ZNF892: variants seen among roughly 807,000 people sequenced by gnomAD.
The protein encoded by ZNF892 is zinc finger protein 570-like.
At chr2:95,258,729 A>AG in the ZNF892 span, among the ~76,000 whole-genome samples, 2 of 152,142 alleles carry the variant, frequency 1.3e-5, no homozygotes, top group African/African-American at 4.8e-5. Flanking sequence ...TACCTCTCCC[A>AG]GGGCCCCGTC....
At chr2:95,210,026 T>C in the ZNF892 span, among the ~76,000 whole-genome samples, 11 of 152,142 alleles carry the variant, frequency 7.2e-5, no homozygotes, top group East Asian at 9.7e-4. Context: ...GACTGAAATA[T>C]GCATTAGAAA....
At chr2:95,249,918 T>A in the ZNF892 span, among the ~76,000 whole-genome samples, 1 of 152,178 alleles carries the variant, frequency 6.6e-6, no homozygotes, top group Admixed American at 6.5e-5. Flanking sequence ...CCAAAAAGAT[T>A]TTGGAACTTA....
chr2:95,214,236 C>A, the ZNF892 span: 1 of 396,544 alleles, frequency 2.5e-6, no homozygotes, highest in Non-Finnish European at 4.4e-6. Flanking sequence ...ATATTCCTAA[C>A]AAAGAATGAA....
chr2:95,235,372 T>G, the ZNF892 span, among the ~76,000 whole-genome samples: 2 of 151,352 alleles, frequency 1.3e-5, no homozygotes, highest in Non-Finnish European at 3.0e-5. Flanking sequence ...TTTTTTTTTT[T>G]TTTTTTTTGA....
the ZNF892 span, among the ~76,000 whole-genome samples, chr2:95,253,010 C>A: frequency 2.0e-5 from 3 of 152,108 alleles, no homozygotes; most frequent in African/African-American, 7.2e-5. Flanking sequence ...GAGTAGATTG[C>A]AAAAATTTTC....
the ZNF892 span, among the ~76,000 whole-genome samples, chr2:95,223,956 A>G: frequency 2.0e-5 from 3 of 152,228 alleles, no homozygotes; most frequent in African/African-American, 4.8e-5. Flanking sequence ...TCAAGAGGGC[A>G]TAGCCCTCAT....
the ZNF892 span, among the ~76,000 whole-genome samples, chr2:95,243,191 G>A: frequency 9.9e-5 from 15 of 152,118 alleles, no homozygotes; most frequent in South Asian, 4.2e-4. Flanking sequence ...GCGTGATCTC[G>A]GCTCGCTACA....
At chr2:95,208,250 GTCAGGCGGTGTTGTATTAATA>G in the ZNF892 span, among the ~76,000 whole-genome samples, 1 of 152,100 alleles carries the variant, frequency 6.6e-6, no homozygotes, top group Non-Finnish European at 1.5e-5. Context: ...ACTTTTCTGA[GTCAGGCGGTGTTGTATTAATA>G]TCTGAAAAGT....
chr2:95,252,434 C>T, the ZNF892 span, among the ~76,000 whole-genome samples: 3 of 152,102 alleles, frequency 2.0e-5, no homozygotes, highest in African/African-American at 7.2e-5. Flanking sequence ...TTTATGGCTG[C>T]ATAGTATTCC....
the ZNF892 span, chr2:95,207,538 G>C: frequency 5.8e-6 from 2 of 345,714 alleles, no homozygotes; most frequent in South Asian, 3.0e-4. Context: ...CCTCATGGTT[G>C]GCCGGCGCTA....
At chr2:95,250,266 A>G in the ZNF892 span, among the ~76,000 whole-genome samples, 4 of 152,036 alleles carry the variant, frequency 2.6e-5, no homozygotes, top group Non-Finnish European at 5.9e-5. Flanking sequence ...AGTAAAGATA[A>G]TATAAGTTTA....
At chr2:95,247,696 T>C in the ZNF892 span, among the ~76,000 whole-genome samples, 4 of 152,186 alleles carry the variant, frequency 2.6e-5, no homozygotes, top group South Asian at 8.3e-4. Context: ...GAACAGACAC[T>C]TCTCAAAAAA....
the ZNF892 span, among the ~76,000 whole-genome samples, chr2:95,256,034 A>G: frequency 1.3e-5 from 2 of 152,118 alleles, no homozygotes; most frequent in African/African-American, 2.4e-5. Context: ...TCTTTATCCA[A>G]TTTGCCAGTC....
chr2:95,214,096 T>C, the ZNF892 span, among the ~76,000 whole-genome samples: 2 of 152,200 alleles, frequency 1.3e-5, no homozygotes, highest in Non-Finnish European at 2.9e-5. Context: ...CATAGAGGAA[T>C]GTTGAGTACC....
At chr2:95,250,895 TTAAA>T in the ZNF892 span, among the ~76,000 whole-genome samples, 32 of 147,566 alleles carry the variant, frequency 2.2e-4, no homozygotes, top group East Asian at 9.8e-4. Flanking sequence ...TAATAAATGC[TTAAA>T]TAAACATTGA....
At chr2:95,212,902 C>T in the ZNF892 span, among the ~76,000 whole-genome samples, 1 of 152,204 alleles carries the variant, frequency 6.6e-6, no homozygotes, top group Non-Finnish European at 1.5e-5. Context: ...TAAACAGTAC[C>T]TGGCTATATG....
the ZNF892 span, among the ~76,000 whole-genome samples, chr2:95,232,522 A>G: frequency 1.3e-5 from 2 of 152,156 alleles, no homozygotes; most frequent in Non-Finnish European, 2.9e-5. Context: ...AAACATTTCC[A>G]TTACAGTATT....
At chr2:95,212,422 G>T in the ZNF892 span, 3 of 396,142 alleles carry the variant, frequency 7.6e-6, no homozygotes, top group African/African-American at 2.1e-5. Context: ...TAGCTCTGTG[G>T]ATGGTTATCT....
chr2:95,258,285 G>A, the ZNF892 span, among the ~76,000 whole-genome samples: 1 of 152,196 alleles, frequency 6.6e-6, no homozygotes, highest in African/African-American at 2.4e-5. Flanking sequence ...AACAAAGGAG[G>A]GAAGGGGTTT....
Sources: allele counts gnomAD v4.1 joint callset (sites outside exome capture counted in the v4.1 genomes callset), GRCh38; gene constraint gnomAD v4.1.1; transcripts MANE v1.5; gene names NCBI Gene and HGNC (gene_info 2026-07-23, HGNC 2026-07-21).